The following FAM117A variants were observed in gnomAD, a reference collection of about 807,000 sequenced individuals.
FAM117A encodes family with sequence similarity 117 member A.
FAM117A carries 21 observed loss-of-function variants against 44.1 expected under a neutral mutation model. The observed-to-expected ratio is 0.48, with a 90% CI of 0.34 to 0.69. The LOEUF (loss-of-function observed/expected upper bound fraction) is 0.69, where lower values mean the gene tolerates loss of function less well. Among genes scored for constraint, FAM117A ranks in the 30% least tolerant of loss-of-function variants. The probability of loss-of-function intolerance (pLI) is 0.01; values close to 1 mark genes in which losing one functional copy is unlikely to be tolerated. For synonymous variants in FAM117A, 220 were observed against 238.3 expected (o/e 0.92, Z 0.71); for missense variants, 498 against 589.9 (o/e 0.84, Z 1.61).
chr17:49,718,637 C>A (rs1196448127), intron 5 of FAM117A, among the ~76,000 whole-genome samples: 3 of 148,726 alleles, frequency 2.0e-5, no homozygotes, highest in African/African-American at 7.5e-5. Context: ...CGCCACTGCA[C>A]TCCAGCCTGG....
chr17:49,782,723 G>A (rs541263212), intron 1 of FAM117A, among the ~76,000 whole-genome samples: 44 of 150,968 alleles, frequency 2.9e-4, no homozygotes, highest in Non-Finnish European at 5.6e-4. Flanking sequence ...CCTTTGTGGC[G>A]GCAATGAGAT....
intron 1 of FAM117A, among the ~76,000 whole-genome samples, chr17:49,763,123 T>TAC (rs10603200): frequency 0.11 from 15,258 of 140,982 alleles, 803 homozygotes; most frequent in Middle Eastern, 0.18. Context: ...TCCCCCCCGC[T>TAC]ACACACACAC....
At chr17:49,767,963 T>A (rs2073750190), upstream of FAM117A, among the ~76,000 whole-genome samples, 1 of 152,192 alleles carries the variant, frequency 6.6e-6, no homozygotes, top group African/African-American at 2.4e-5. Flanking sequence ...TAATTTTTTT[T>A]AATCTATAAG....
chr17:49,743,111 C>T (rs1328461471), intron 1 of FAM117A, among the ~76,000 whole-genome samples: 2 of 152,096 alleles, frequency 1.3e-5, no homozygotes, highest in East Asian at 3.8e-4. Context: ...CATTTCCTAC[C>T]CTGTGTTTTG....
At chr17:49,755,339 T>G (rs1335376741) in intron 1 of FAM117A, among the ~76,000 whole-genome samples, 1 of 152,200 alleles carries the variant, frequency 6.6e-6, no homozygotes, top group Non-Finnish European at 1.5e-5. Context: ...GAAAAGCCAC[T>G]GATCCAGATT....
At chr17:49,758,214 C>T (rs2073706398) in intron 1 of FAM117A, among the ~76,000 whole-genome samples, 1 of 151,848 alleles carries the variant, frequency 6.6e-6, no homozygotes, top group Non-Finnish European at 1.5e-5. Context: ...TGCCTGTAAT[C>T]CCAGCTACTT....
At chr17:49,767,869 C>T (rs2073749820), upstream of FAM117A, among the ~76,000 whole-genome samples, 1 of 151,868 alleles carries the variant, frequency 6.6e-6, no homozygotes, top group Admixed American at 6.6e-5. Context: ...CACCACTGCG[C>T]TCCAGACTGG....
At chr17:49,786,149 A>G (rs910062544) in intron 1 of FAM117A, among the ~76,000 whole-genome samples, 1 of 152,150 alleles carries the variant, frequency 6.6e-6, no homozygotes, top group African/African-American at 2.4e-5. Flanking sequence ...TCATGTTTCT[A>G]TCCTACTGGT....
chr17:49,744,162 G>C (rs1267649476), intron 1 of FAM117A, among the ~76,000 whole-genome samples: 1 of 152,168 alleles, frequency 6.6e-6, no homozygotes, highest in Admixed American at 6.5e-5. Context: ...ATCCATGGGG[G>C]ATTGGTTTCA....
At chr17:49,783,974 G>A (rs990824689) in intron 1 of FAM117A, among the ~76,000 whole-genome samples, 1 of 152,198 alleles carries the variant, frequency 6.6e-6, no homozygotes, top group Admixed American at 6.5e-5. Context: ...ACTGGCAGTG[G>A]GGTGAGAAAC....
At chr17:49,737,217 C>T (rs17713394) in intron 1 of FAM117A, among the ~76,000 whole-genome samples, 5,792 of 152,292 alleles carry the variant, frequency 0.038, 148 homozygotes, top group Non-Finnish European at 0.057. Flanking sequence ...AACTTTATCT[C>T]TACACCAGCA....
At chr17:49,779,804 T>C (rs2073784753) in intron 1 of FAM117A, among the ~76,000 whole-genome samples, 2 of 152,190 alleles carry the variant, frequency 1.3e-5, no homozygotes, top group Admixed American at 1.3e-4. Flanking sequence ...AGGGTCACAA[T>C]TGTTGGACTC....
intron 1 of FAM117A, among the ~76,000 whole-genome samples, chr17:49,780,475 G>A (rs2073786613): frequency 6.6e-6 from 1 of 152,056 alleles, no homozygotes; most frequent in Non-Finnish European, 1.5e-5. Flanking sequence ...CCGCCTCCTG[G>A]GCTCAAGCAA....
rs745468957 is a variant in FAM117A, at chr17:49,717,489, G to A, written c.910+24C>T. ...ACTCATGTGCCCCAGAGTCAGCCCTGCTGCCTCAGCCTTCGCGGCTTACCT... is the reference window on the plus strand; with the variant it reads ...ACTCATGTGCCCCAGAGTCAGCCCTACTGCCTCAGCCTTCGCGGCTTACCT... On this transcript the variant is annotated intron_variant, in intron 6 of 7. Coordinates refer to ENST00000240364, the MANE Select transcript of FAM117A (RefSeq NM_030802.4). 5 of 1,610,608 alleles carry A rather than the reference G, an allele frequency of 3.1e-6. No individual in the cohort carries two copies. The Admixed American group carries it at 5.0e-5, about 16-fold the overall frequency.
At chr17:49,720,072 G>A in intron 4 of FAM117A, 178 bp from the exon 5 acceptor site, 1 of 837,336 alleles carries the variant, frequency 1.2e-6, no homozygotes, top group Non-Finnish European at 1.8e-6. Context: ...AAAAGTTTGA[G>A]CTTTGCAGAG....
chr17:49,748,532 C>T (rs904134606), intron 1 of FAM117A, among the ~76,000 whole-genome samples: 2 of 151,872 alleles, frequency 1.3e-5, no homozygotes, highest in African/African-American at 4.8e-5. Flanking sequence ...TCATCACTGC[C>T]TAAGGACAAA....
At chr17:49,771,864 C>T (rs1294421319) in intron 1 of FAM117A, among the ~76,000 whole-genome samples, 1 of 152,186 alleles carries the variant, frequency 6.6e-6, no homozygotes, top group Non-Finnish European at 1.5e-5. Flanking sequence ...CACTTATCTT[C>T]TTCAAGTCTG....
chr17:49,741,000 ATCTAGGGGACGTGC>A (rs1163952418), intron 1 of FAM117A, among the ~76,000 whole-genome samples: 1 of 152,154 alleles, frequency 6.6e-6, no homozygotes, highest in African/African-American at 2.4e-5. Context: ...GGTTCTGGGC[ATCTAGGGGACGTGC>A]TCCACTTATT....
chr17:49,783,270 A>C (rs1228260375), intron 1 of FAM117A, among the ~76,000 whole-genome samples: 1 of 152,212 alleles, frequency 6.6e-6, no homozygotes, highest in Non-Finnish European at 1.5e-5. Flanking sequence ...GGATGTCTTC[A>C]TCATAAGACA....
Sources: gnomAD v4.1 joint callset for allele counts (sites outside exome capture counted in the v4.1 genomes callset) on GRCh38, gnomAD v4.1.1 for gene constraint, MANE v1.5 for transcripts, NCBI Gene and HGNC (gene_info 2026-07-23, HGNC 2026-07-21) for gene names.